Variants in ARHGEF10L observed in about 807,000 individuals in gnomAD.
The protein encoded by ARHGEF10L is rho guanine nucleotide exchange factor 10-like protein.
In ARHGEF10L, 69 loss-of-function variants were observed where a neutral mutation model predicts 141.2. The observed-to-expected ratio is 0.49, with a 90% CI of 0.40 to 0.60. The LOEUF (loss-of-function observed/expected upper bound fraction) is 0.60. Among genes scored for constraint, ARHGEF10L ranks in the 20% least tolerant of loss-of-function variants. The probability of loss-of-function intolerance (pLI) is 0.00; values close to 1 mark genes in which losing one functional copy is unlikely to be tolerated. For missense variants in ARHGEF10L, 1,482 were observed against 1,734.3 expected (o/e 0.85, Z 2.58); for synonymous variants, 711 against 718.5 (o/e 0.99, Z 0.17).
Position 17,687,556 on chromosome 1 carries a change from C to T in ARHGEF10L, c.3010-17C>T, listed in dbSNP as rs771788505. The T allele has an allele frequency of 4.3e-6, 7 of 1,612,206 alleles. No individual in the cohort carries two copies. The highest frequency in any genetic ancestry group is 4.0e-5 in the African/African-American group (3 of 74,896). ...GCAGGCCCAGCCAGTATCGACACTCCTCCCTTTGTGCCACAGCAAAGCTTC... is the reference window on the plus strand; with the variant it reads ...GCAGGCCCAGCCAGTATCGACACTCTTCCCTTTGTGCCACAGCAAAGCTTC... On this transcript the variant is annotated splice_polypyrimidine_tract_variant and intron_variant, in intron 26 of 28. Coordinates refer to ENST00000361221, the MANE Select transcript of ARHGEF10L (RefSeq NM_018125.4).
chr1:17,630,173 C>T (rs556857124), intron 15 of ARHGEF10L, among the ~76,000 whole-genome samples: 1 of 152,346 alleles, frequency 6.6e-6, no homozygotes, highest in South Asian at 2.1e-4. Flanking sequence ...TTAGTGATGT[C>T]CCTATCACCA....
chr1:17,599,679 TG>T (rs143009098), intron 4 of ARHGEF10L, among the ~76,000 whole-genome samples: 156 of 152,270 alleles, frequency 1.0e-3, no homozygotes, highest in African/African-American at 3.2e-3. Flanking sequence ...TGTCCTCTCT[TG>T]GCCTTTACTT....
At position 17,619,416 on chromosome 1, in the gene ARHGEF10L, C is replaced by G; in HGVS notation, c.913C>G (p.Pro305Ala). 1 of 1,611,372 alleles carries G rather than the reference C, an allele frequency of 6.2e-7. No individual in the cohort carries two copies. The highest frequency in any genetic ancestry group is 8.5e-7 in the Non-Finnish European group (1 of 1,179,248). ...CAAGCCCCCAGCCCCAGAGCTGGGC[C>G]CCATGCCAGAGGGCCTGAGCCCTCA... ...DIKPPAPELG[P>A]MPEGLSPQQV... Residue 305 changes from proline to alanine, a missense_variant, in exon 10 of 29, where the codon CCC (proline) becomes GCC (alanine). By Grantham distance (27) the Pro-to-Ala change is conservative. This residue lies in a region of ARHGEF10L where 392 missense variants were observed against 542.1 expected (regional missense o/e 0.72). Transcript: ENST00000361221. The surrounding 1 kb of genome is among the most constrained non-coding windows in gnomAD (Gnocchi z 5.0).
At chr1:17,565,982 G>T (rs2077740401) in intron 1 of ARHGEF10L, among the ~76,000 whole-genome samples, 1 of 152,176 alleles carries the variant, frequency 6.6e-6, no homozygotes, top group Non-Finnish European at 1.5e-5. Context: ...ACAAAAACAA[G>T]TACTGTAGCA....
intron 11 of ARHGEF10L, 85 bp downstream of exon 11, chr1:17,622,026 C>A: frequency 6.9e-7 from 1 of 1,451,750 alleles, no homozygotes; most frequent in Non-Finnish European, 9.6e-7. Context: ...TGTTTGGGGA[C>A]TGTGGGCAGT....
At chr1:17,514,278 G>A in the ARHGEF10L span, among the ~76,000 whole-genome samples, 23 of 151,792 alleles carry the variant, frequency 1.5e-4, 2 homozygotes, top group South Asian at 4.2e-3. Flanking sequence ...TGAGATTACA[G>A]GCGCCTGCCA....
At chr1:17,663,525 G>T (rs1284921570) in intron 25 of ARHGEF10L, among the ~76,000 whole-genome samples, 1 of 150,432 alleles carries the variant, frequency 6.6e-6, no homozygotes, top group East Asian at 2.0e-4. Context: ...CTGCAATCCA[G>T]CCTGGGAGAC....
chr1:17,588,873 T>TGA, intron 4 of ARHGEF10L, among the ~76,000 whole-genome samples: 1 of 62,692 alleles, frequency 1.6e-5, no homozygotes, highest in Non-Finnish European at 2.8e-5. Flanking sequence ...TGTGTGTGTG[T>TGA]GTGTGTGTGT....
At chr1:17,532,204 G>C in the ARHGEF10L span, among the ~76,000 whole-genome samples, 1 of 152,136 alleles carries the variant, frequency 6.6e-6, no homozygotes, top group African/African-American at 2.4e-5. Flanking sequence ...TATCTTCATG[G>C]TAACTTCTAG....
chr1:17,641,122 C>T (rs1305963554), intron 21 of ARHGEF10L, among the ~76,000 whole-genome samples: 1 of 152,196 alleles, frequency 6.6e-6, no homozygotes, highest in Admixed American at 6.5e-5. Flanking sequence ...TGGCAAGAGT[C>T]TGTCTGCAGA....
chr1:17,590,279 G>T (rs952452835), intron 4 of ARHGEF10L, among the ~76,000 whole-genome samples: 2 of 152,100 alleles, frequency 1.3e-5, no homozygotes, highest in African/African-American at 2.4e-5. Flanking sequence ...TTTGAGGAAA[G>T]ATTTTTGCCC....
rs1034918640 is a variant in ARHGEF10L at position 17,627,097 on chromosome 1, G to A, written c.1411-233G>A. 1.3e-5 allele frequency among the ~76,000 whole-genome samples: 2 copies of A among 152,244 alleles called. No individual in the cohort carries two copies. The highest frequency in any genetic ancestry group is 6.5e-5 in the Admixed American group (1 of 15,290). ...TGGACAAATATCTGTTTGAGACCCC[G>A]CTTTCAGTTCATGTGGGTCTATTCC... On this transcript the variant is annotated intron_variant, in intron 14 of 28. Coordinates refer to ENST00000361221, the MANE Select transcript of ARHGEF10L (RefSeq NM_018125.4). This position sits in a 1 kb window ranked among gnomAD's most constrained non-coding sequence, Gnocchi z 4.0.
At chr1:17,638,328 C>T (rs969987328) in intron 19 of ARHGEF10L, among the ~76,000 whole-genome samples, 5 of 152,314 alleles carry the variant, frequency 3.3e-5, no homozygotes, top group Non-Finnish European at 5.9e-5. Flanking sequence ...AAGCTGGCTG[C>T]GACGGCATGT....
intron 15 of ARHGEF10L, among the ~76,000 whole-genome samples, chr1:17,631,884 G>C (rs1460664502): frequency 6.6e-6 from 1 of 152,240 alleles, no homozygotes; most frequent in Non-Finnish European, 1.5e-5. Flanking sequence ...GCCCCCACTT[G>C]GTAGCTGAGT....
intron 4 of ARHGEF10L, among the ~76,000 whole-genome samples, chr1:17,594,889 C>T (rs2079927143): frequency 6.6e-6 from 1 of 152,152 alleles, no homozygotes; most frequent in African/African-American, 2.4e-5. Flanking sequence ...ACTCGGTGAG[C>T]TGCTCATTGT....
intron 26 of ARHGEF10L, among the ~76,000 whole-genome samples, chr1:17,677,605 G>T (rs533868707): frequency 7.9e-5 from 12 of 152,268 alleles, no homozygotes; most frequent in South Asian, 4.1e-4. Flanking sequence ...GGGAGATCAG[G>T]GGGGGAGAGA....
At chr1:17,556,864 G>A (rs753781438) in intron 1 of ARHGEF10L, among the ~76,000 whole-genome samples, 1 of 152,146 alleles carries the variant, frequency 6.6e-6, no homozygotes, top group African/African-American at 2.4e-5. Context: ...GACTCTTTGA[G>A]CCTTAGGAAA....
chr1:17,671,263 G>T (rs560248149), intron 26 of ARHGEF10L, among the ~76,000 whole-genome samples: 8 of 152,064 alleles, frequency 5.3e-5, no homozygotes, highest in African/African-American at 1.7e-4. Context: ...TTCTTTCTGC[G>T]CTGGGGCAGT....
In ARHGEF10L at chr1:17,556,601, G is replaced by A. The variant is rs564596227; in HGVS notation, c.-44+16651G>A. Among the ~76,000 whole-genome samples, 7 of 152,304 alleles carry A rather than the reference G, an allele frequency of 4.6e-5. No individual in the cohort carries two copies. The South Asian group carries it at 8.3e-4, about 18-fold the overall frequency. ...CTCTCTCAGAAGGCGCAGTGTGTGCGAAGGTGCTGGAGACTGGCAGGTGGC... is the reference window on the plus strand; with the variant it reads ...CTCTCTCAGAAGGCGCAGTGTGTGCAAAGGTGCTGGAGACTGGCAGGTGGC... On this transcript the variant is annotated intron_variant, in intron 1 of 28. Coordinates refer to ENST00000361221, the MANE Select transcript of ARHGEF10L (RefSeq NM_018125.4).
Sources: allele counts gnomAD v4.1 joint callset (sites outside exome capture counted in the v4.1 genomes callset), GRCh38; gene constraint gnomAD v4.1.1; regional missense constraint gnomAD v4.1.1; non-coding constraint Gnocchi (gnomAD v3.1); transcripts MANE v1.5; gene names NCBI Gene and HGNC (gene_info 2026-07-23, HGNC 2026-07-21).